SZRD1: variants seen among roughly 807,000 people sequenced by gnomAD.
SZRD1 encodes SUZ RNA-binding domain-containing.
In SZRD1, 7 loss-of-function variants were observed where a neutral mutation model predicts 17.6. The observed-to-expected ratio is 0.40, with a 90% confidence interval of 0.23 to 0.75. SZRD1 has a LOEUF of 0.75. SZRD1 is among the 30% of genes least tolerant of loss of function. SZRD1 has a pLI of 0.38. For synonymous variants in SZRD1, 77 were observed against 77.9 expected (o/e 0.99, Z 0.06); for missense variants, 178 against 201.8 (o/e 0.88, Z 0.71).
At position 16,389,972 on chromosome 1, in the gene SZRD1, T is replaced by A. The variant is rs145757694; in HGVS notation, c.52-1403T>A. On this transcript the variant is annotated intron_variant, in intron 1 of 3. Coordinates refer to ENST00000401088, the MANE Select transcript of SZRD1 (RefSeq NM_001114600.3). ...TAGTTCTTTGTGTGGGGCTGTCCTG[T>A]ACACTGTAGGACATTTAGCATTTCC... is the stretch of plus-strand genomic sequence containing the variant. Among the ~76,000 whole-genome samples, 22 of 152,364 alleles carry A rather than the reference T, an allele frequency of 1.4e-4. No individual in the cohort carries two copies. In the East Asian group the frequency reaches 3.9e-3, roughly 27 times the overall value.
intron 1 of SZRD1, among the ~76,000 whole-genome samples, chr1:16,376,572 G>A (rs2083005583): frequency 1.3e-5 from 2 of 152,064 alleles, no homozygotes; most frequent in Admixed American, 6.6e-5. Flanking sequence ...TTGGGGGGCC[G>A]AGGCAGGCGG....
intron 1 of SZRD1, among the ~76,000 whole-genome samples, chr1:16,377,103 T>A (rs1214775311): frequency 2.0e-5 from 3 of 152,218 alleles, no homozygotes; most frequent in Non-Finnish European, 4.4e-5. Context: ...TCTGCCTGCT[T>A]TAGCCATTTG....
intron 1 of SZRD1, among the ~76,000 whole-genome samples, chr1:16,378,847 C>T (rs887729628): frequency 1.3e-5 from 2 of 152,024 alleles, no homozygotes; most frequent in African/African-American, 4.8e-5. Context: ...CTGCCTGAGC[C>T]TCCCGAGTAG....
intron 1 of SZRD1, among the ~76,000 whole-genome samples, chr1:16,371,180 A>G (rs2082906823): frequency 6.6e-6 from 1 of 152,068 alleles, no homozygotes; most frequent in Non-Finnish European, 1.5e-5. Flanking sequence ...GCCCTCCAAC[A>G]CCACAAGAAA....
At chr1:16,373,169 G>A (rs2082941621) in intron 1 of SZRD1, among the ~76,000 whole-genome samples, 1 of 151,808 alleles carries the variant, frequency 6.6e-6, no homozygotes, top group African/African-American at 2.4e-5. Flanking sequence ...GATTGGGAAA[G>A]GCTTCCTTGT....
At chr1:16,375,170 C>G (rs2082979016) in intron 1 of SZRD1, among the ~76,000 whole-genome samples, 1 of 152,164 alleles carries the variant, frequency 6.6e-6, no homozygotes, top group Non-Finnish European at 1.5e-5. Flanking sequence ...GCCACCACGC[C>G]TGGCCTTTGA....
intron 1 of SZRD1, among the ~76,000 whole-genome samples, chr1:16,375,794 A>G (rs764256810): frequency 2.0e-5 from 3 of 152,208 alleles, no homozygotes; most frequent in Non-Finnish European, 4.4e-5. Flanking sequence ...GGCCATGGCG[A>G]TTAGATGAGA....
chr1:16,377,165 T>C (rs1360400757), intron 1 of SZRD1, among the ~76,000 whole-genome samples: 1 of 152,166 alleles, frequency 6.6e-6, no homozygotes, highest in East Asian at 1.9e-4. Context: ...CGATTCTAAC[T>C]GGGATTTGAT....
chr1:16,390,286 C>CA (rs948237337), intron 1 of SZRD1, among the ~76,000 whole-genome samples: 1 of 152,182 alleles, frequency 6.6e-6, no homozygotes, highest in Admixed American at 6.5e-5. Flanking sequence ...TATAGATGCT[C>CA]ACACGCGTGT....
chr1:16,377,164 C>G (rs2100707974), intron 1 of SZRD1, among the ~76,000 whole-genome samples: 1 of 152,292 alleles, frequency 6.6e-6, no homozygotes, highest in South Asian at 2.1e-4. Flanking sequence ...GCGATTCTAA[C>G]TGGGATTTGA....
intron 1 of SZRD1, among the ~76,000 whole-genome samples, chr1:16,384,375 C>CAAA (rs58963543): frequency 5.4e-5 from 6 of 111,066 alleles, no homozygotes; most frequent in Non-Finnish European, 9.6e-5. Flanking sequence ...CCGTCTCCAC[C>CAAA]AAAAAAAAAA....
At position 16,395,182 on chromosome 1, in the gene SZRD1, C is replaced by T. The variant is rs752335131; in HGVS notation, c.*42C>T. 3.2e-5 allele frequency: 47 copies of T among 1,456,042 alleles called. No homozygotes were observed. The highest frequency in any genetic ancestry group is 2.7e-4 in the Admixed American group (16 of 59,096). 90.2% of individuals were successfully genotyped at this position (1,456,042 alleles called of 1,614,324 possible). ...ATGCCGCCGTTGCTGCCGTCACCGC[C>T]TCCTGGGTCGTCCGCCACGGGTTGC... On this transcript the variant is annotated 3_prime_UTR_variant, in exon 4 of 4. Coordinates refer to ENST00000401088, the MANE Select transcript of SZRD1 (RefSeq NM_001114600.3).
Position 16,393,571 on chromosome 1 carries a change from G to A in SZRD1, c.356+89G>A, listed in dbSNP as rs1051937129. 3.6e-6 allele frequency: 5 copies of A among 1,377,384 alleles called. No individual in the cohort carries two copies. In the African/African-American group the frequency reaches 7.1e-5, roughly 20 times the overall value. The allele number at this position is 1,377,384 out of a possible 1,614,324, so 85.3% of individuals were successfully genotyped here. A position where few individuals can be genotyped will look rare whatever the true frequency, so the allele number is the denominator to read the frequency against. ...ATCCTGGCTGCGTGTAGAGTAGTGA[G>A]AAGCAAGCAGAGTCAGGGTAGGAAC... On this transcript the variant is annotated intron_variant, in intron 3 of 3. Coordinates refer to ENST00000401088, the MANE Select transcript of SZRD1 (RefSeq NM_001114600.3). This position sits in a 1 kb window ranked among gnomAD's most constrained non-coding sequence, Gnocchi z 5.6.
chr1:16,368,024 T>C (rs908189657), intron 1 of SZRD1: 1 of 152,164 alleles, frequency 6.6e-6, no homozygotes, highest in African/African-American at 2.4e-5. Context: ...GGGTGTGATA[T>C]GTAAAACAGC....
intron 1 of SZRD1, among the ~76,000 whole-genome samples, chr1:16,381,631 TGCTTAGAA>T (rs1300621932): frequency 2.0e-5 from 3 of 151,580 alleles, no homozygotes; most frequent in African/African-American, 7.3e-5. Flanking sequence ...AGCAACAAGC[TGCTTAGAA>T]GCTCGTTGAA....
rs574724932 is a variant in SZRD1, at chr1:16,391,575, G to A, written c.101+151G>A. 6.6e-6 allele frequency among the ~76,000 whole-genome samples: 1 copy of A among 152,268 alleles called. No individual in the cohort carries two copies. Among genetic ancestry groups the A allele is most frequent in the Admixed American group, 6.5e-5 (1 of 15,296 alleles). On this transcript the variant is annotated intron_variant, in intron 2 of 3. Transcript: ENST00000401088. This position sits in a 1 kb window ranked among gnomAD's most constrained non-coding sequence, Gnocchi z 4.3. Reference sequence around the variant, plus strand: ...CCCTTCCCTCCAAATTGGAGACCAGGACGTGGTGGCTTGAGGCTTTAGGGT... The same window carrying A: ...CCCTTCCCTCCAAATTGGAGACCAGAACGTGGTGGCTTGAGGCTTTAGGGT...
At chr1:16,369,053 T>G (rs533665863) in intron 1 of SZRD1, 35 of 256,954 alleles carry the variant, frequency 1.4e-4, no homozygotes, top group African/African-American at 7.7e-4. Flanking sequence ...TTTAGAGACT[T>G]AGGTCTTTCT....
chr1:16,381,140 G>C (rs950497056), intron 1 of SZRD1, among the ~76,000 whole-genome samples: 1 of 150,944 alleles, frequency 6.6e-6, no homozygotes, highest in Non-Finnish European at 1.5e-5. Flanking sequence ...TATAATCCCA[G>C]CTGCTCAGGA....
chr1:16,383,052 G>A lies in SZRD1; in HGVS notation c.52-8323G>A, dbSNP rs116499985. On this transcript the variant is annotated intron_variant, in intron 1 of 3. Transcript: ENST00000401088. ...GGCTAATTTTTGTATTTTTAGAAGGGACAGGGTTTCACCATATTGCTCAGG... is the reference window on the plus strand; with the variant it reads ...GGCTAATTTTTGTATTTTTAGAAGGAACAGGGTTTCACCATATTGCTCAGG... Among the ~76,000 whole-genome samples, 998 of 151,908 alleles carry A rather than the reference G, an allele frequency of 6.6e-3. 7 individuals are homozygous for A. Among genetic ancestry groups the A allele is most frequent in the African/African-American group, 0.023 (958 of 41,392 alleles).
Sources: gnomAD v4.1 joint callset for allele counts (sites outside exome capture counted in the v4.1 genomes callset) on GRCh38, gnomAD v4.1.1 for gene constraint, Gnocchi (gnomAD v3.1) non-coding constraint, MANE v1.5 for transcripts, NCBI Gene and HGNC (gene_info 2026-07-23, HGNC 2026-07-21) for gene names.